PLEKHM2: variants seen among roughly 807,000 people sequenced by gnomAD.
The protein encoded by PLEKHM2 is pleckstrin homology domain-containing family M member 2.
In PLEKHM2, 77 loss-of-function variants were observed where a neutral mutation model predicts 116.3. The observed-to-expected ratio is 0.66, with a 90% CI of 0.55 to 0.80. The LOEUF (loss-of-function observed/expected upper bound fraction) is 0.80, where lower values mean the gene tolerates loss of function less well. Ranked by LOEUF, PLEKHM2 falls within the 30% of genes least tolerant of loss-of-function variation. The pLI, the probability that PLEKHM2 is intolerant of heterozygous loss-of-function variation, is 0.00. For missense variants in PLEKHM2, 1,183 were observed against 1,354.9 expected, an observed-to-expected ratio of 0.87 and a Z score of 1.99; for synonymous variants, 562 against 571.0, an observed-to-expected ratio of 0.98 and a Z score of 0.22.
At chr1:15,685,667 T>C (rs1257497103) in intron 1 of PLEKHM2, among the ~76,000 whole-genome samples, 1 of 151,988 alleles carries the variant, frequency 6.6e-6, no homozygotes, top group Non-Finnish European at 1.5e-5. Context: ...TCAACCATCA[T>C]ATTTAAATAA....
chr1:15,733,063 C>T lies in PLEKHM2; in HGVS notation c.2922+335C>T, dbSNP rs79227629. ...GGAGGTGGGTGTGGGACTCCAGCCC[C>T]GGTGGTTCTGCCTCTGGTTTGGACT... On this transcript the variant is annotated intron_variant, in intron 19 of 19. Coordinates refer to ENST00000375799, the MANE Select transcript of PLEKHM2 (RefSeq NM_015164.4). Among the ~76,000 whole-genome samples, 1,560 of 152,330 alleles carry T rather than the reference C, an allele frequency of 0.01. 111 individuals carry two copies. The East Asian group carries it at 0.19, about 19-fold the overall frequency.
chr1:15,708,708 C>T (rs1045532424), intron 1 of PLEKHM2, among the ~76,000 whole-genome samples: 3 of 152,146 alleles, frequency 2.0e-5, no homozygotes, highest in Non-Finnish European at 4.4e-5. Context: ...TACTTGTGAG[C>T]CACCATGCCT....
At chr1:15,732,778 A>T in intron 19 of PLEKHM2, 50 bp downstream of exon 19, 1 of 1,255,092 alleles carries the variant, frequency 8.0e-7, no homozygotes, top group Non-Finnish European at 1.1e-6. Flanking sequence ...GTGGAGTGGG[A>T]GCCACTCCCC....
At chr1:15,722,071 A>G (rs2068003469) in intron 7 of PLEKHM2, among the ~76,000 whole-genome samples, 1 of 152,256 alleles carries the variant, frequency 6.6e-6, no homozygotes. Context: ...AGCAAAGGCT[A>G]TGTTGCCAAT....
rs2067991008 is a variant in PLEKHM2, at chr1:15,721,083, A to T, written c.653-246A>T. 2.2e-6 allele frequency: 1 copy of T among 457,214 alleles called. No homozygotes were observed. Among genetic ancestry groups the T allele is most frequent in the South Asian group, 4.0e-5 (1 of 24,934 alleles). The allele number at this position is 457,214 out of a possible 1,614,324, so 28.3% of individuals were successfully genotyped here. On this transcript the variant is annotated intron_variant, in intron 6 of 19. Transcript: ENST00000375799. The surrounding 1 kb of genome is among the most constrained non-coding windows in gnomAD (Gnocchi z 5.1). ...TCTCTCTGCCAGAACCAGCTTCTGG[A>T]TGTGGAAAGGGGTCACCCTGACAGG...
Position 15,734,416 on chromosome 1 carries a change from C to A in PLEKHM2, c.*482C>A, listed in dbSNP as rs536395207. On this transcript the variant is annotated 3_prime_UTR_variant, in exon 20 of 20. Coordinates refer to ENST00000375799, the MANE Select transcript of PLEKHM2 (RefSeq NM_015164.4). ...GGGAAGCGGGAACACGGGGTGTCTGCGCATGTTTCCTCCTCCTAGCTCCAT... is the reference window on the plus strand; with the variant it reads ...GGGAAGCGGGAACACGGGGTGTCTGAGCATGTTTCCTCCTCCTAGCTCCAT... 1 of 159,024 alleles carries A rather than the reference C, an allele frequency of 6.3e-6. No individual in the cohort carries two copies. The highest frequency in any genetic ancestry group is 1.4e-5 in the Non-Finnish European group (1 of 72,718). The allele number at this position is 159,024 out of a possible 1,614,324, so 9.9% of individuals were successfully genotyped here.
At chr1:15,701,033 A>G (rs1250067716) in intron 1 of PLEKHM2, among the ~76,000 whole-genome samples, 1 of 151,132 alleles carries the variant, frequency 6.6e-6, no homozygotes, top group Non-Finnish European at 1.5e-5. Flanking sequence ...GAATCGCTCG[A>G]ACCCAGGAGG....
At position 15,684,571 on chromosome 1, in the gene PLEKHM2, G is replaced by T; in HGVS notation, c.13G>T (p.Glu5Ter). ...CGGTGGCAGCGCCATGGAGCCGGGG[G>T]AGGTGAAGGACCGGATCCTGGAGAA... MEPG[E>*]VKDRILENIS... is the part of the protein sequence containing the mutation. Residue 5 changes from glutamate to a stop codon, truncating the protein, a stop_gained, in exon 1 of 20, where the codon GAG becomes TAG. Coordinates refer to ENST00000375799, the MANE Select transcript of PLEKHM2 (RefSeq NM_015164.4). LOFTEE classifies it high-confidence loss of function. 1 of 1,299,692 alleles carries T rather than the reference G, an allele frequency of 7.7e-7. No individual in the cohort carries two copies. Among genetic ancestry groups the T allele is most frequent in the East Asian group, 3.4e-5 (1 of 29,284 alleles). 80.5% of individuals were successfully genotyped at this position (1,299,692 alleles called of 1,614,324 possible). A position where few individuals can be genotyped will look rare whatever the true frequency, so the allele number is the denominator to read the frequency against.
chr1:15,706,200 C>T lies in PLEKHM2; in HGVS notation c.61-10037C>T, dbSNP rs532763974. Among the ~76,000 whole-genome samples the T allele has an allele frequency of 7.2e-5, 11 of 152,306 alleles. No individual in the cohort carries two copies. In the South Asian group the frequency reaches 1.2e-3, roughly 17 times the overall value. On this transcript the variant is annotated intron_variant, in intron 1 of 19. Transcript: ENST00000375799. ...GTAATGAAACGCAAAGCCCCTCGCA[C>T]GGCCTGTGTGGCTGTGCATGATCCG... is the stretch of plus-strand genomic sequence containing the variant.
At chr1:15,712,382 G>A (rs1025042458) in intron 1 of PLEKHM2, among the ~76,000 whole-genome samples, 3 of 152,112 alleles carry the variant, frequency 2.0e-5, no homozygotes, top group African/African-American at 4.8e-5. Context: ...CATTCTAGAC[G>A]GCCAGGTGGC....
intron 6 of PLEKHM2, 146 bp downstream of exon 6, chr1:15,720,066 C>G: frequency 1.7e-6 from 1 of 593,064 alleles, no homozygotes; most frequent in East Asian, 3.1e-5. Flanking sequence ...TTTCCCAGAT[C>G]TTCATCTCCT....
chr1:15,703,871 G>A (rs1044798852), intron 1 of PLEKHM2, among the ~76,000 whole-genome samples: 3 of 152,190 alleles, frequency 2.0e-5, no homozygotes, highest in Non-Finnish European at 4.4e-5. Context: ...GGGATGAGCT[G>A]AGCTAGCTTT....
chr1:15,709,655 T>G (rs866197572), intron 1 of PLEKHM2, among the ~76,000 whole-genome samples: 1 of 152,188 alleles, frequency 6.6e-6, no homozygotes, highest in Admixed American at 6.5e-5. Flanking sequence ...CTACGGAGCC[T>G]TCTCTCTCCA....
chr1:15,689,529 G>A (rs1640846019), intron 1 of PLEKHM2, among the ~76,000 whole-genome samples: 1 of 152,196 alleles, frequency 6.6e-6, no homozygotes, highest in Non-Finnish European at 1.5e-5. Flanking sequence ...GTTTGTAACT[G>A]ACCATCTCGA....
At chr1:15,690,512 A>G (rs980865443) in intron 1 of PLEKHM2, among the ~76,000 whole-genome samples, 5 of 152,252 alleles carry the variant, frequency 3.3e-5, no homozygotes, top group African/African-American at 1.2e-4. Context: ...CTTTGTTCCA[A>G]TAAAACTTTA....
At position 15,718,538 on chromosome 1, in the gene PLEKHM2, G is replaced by T. The variant is rs1641492973; in HGVS notation, c.378G>T (p.Lys126Asn). ...CATCGTGGCTTCTCATGTCTTGCAG[G>T]AATGCCCTGGTCTGCAGCCACGATC... ...NLGLLHKYYV[K>N]NALVCSHDHL... Residue 126 changes from lysine (K) to asparagine (N), a missense_variant and splice_region_variant, in exon 5 of 20, where the codon AAG becomes AAT. Around this residue, in one of 3 missense-constraint regions of PLEKHM2, gnomAD observed 217 missense variants for 277.6 expected, o/e 0.78. Transcript: ENST00000375799. 4.5e-6 allele frequency: 7 copies of T among 1,561,788 alleles called. No individual in the cohort carries two copies. Among genetic ancestry groups the T allele is most frequent in the Middle Eastern group, 3.3e-4 (2 of 6,018 alleles).
chr1:15,716,267 G>A lies in PLEKHM2; in HGVS notation c.91G>A (p.Glu31Lys). 6.2e-7 allele frequency: 1 copy of A among 1,603,904 alleles called. No individual in the cohort carries two copies. Among genetic ancestry groups the A allele is most frequent in the Non-Finnish European group, 8.5e-7 (1 of 1,174,978 alleles). ...GAGCTATTTTGCTGCATGTGAGGAT[G>A]AGATCCCTGCCATCCGGAACCATGA... ...LQSYFAACED[E>K]IPAIRNHDKV... is the part of the protein sequence containing the mutation. Residue 31 changes from glutamate to lysine, a missense_variant, in exon 2 of 20, where the codon GAG becomes AAG. Glu to Lys is a moderately conservative substitution (Grantham distance 56, BLOSUM62 1). Transcript: ENST00000375799.
intron 1 of PLEKHM2, among the ~76,000 whole-genome samples, chr1:15,695,257 A>G (rs1242792574): frequency 3.3e-5 from 5 of 152,226 alleles, no homozygotes; most frequent in Non-Finnish European, 5.9e-5. Flanking sequence ...GCGTGCTTGA[A>G]ATACACAAAA....
chr1:15,725,109 G>A, intron 7 of PLEKHM2, among the ~76,000 whole-genome samples: 1 of 152,200 alleles, frequency 6.6e-6, no homozygotes, highest in African/African-American at 2.4e-5. Context: ...AGGGGTGGTG[G>A]AGATGGTGTT....
Sources: allele counts gnomAD v4.1 joint callset (sites outside exome capture counted in the v4.1 genomes callset), GRCh38; gene constraint gnomAD v4.1.1; regional missense constraint gnomAD v4.1.1; non-coding constraint Gnocchi (gnomAD v3.1); transcripts MANE v1.5; gene names NCBI Gene and HGNC (gene_info 2026-07-23, HGNC 2026-07-21).